Variants in STAG1 observed in about 807,000 individuals in gnomAD.
The protein encoded by STAG1 is cohesin subunit SA-1.
STAG1 carries 26 observed loss-of-function variants against 170.9 expected under a neutral mutation model. The observed-to-expected ratio is 0.15, with a 90% confidence interval of 0.11 to 0.21. The LOEUF is 0.21. Ranked by LOEUF, STAG1 falls within the 10% of genes least tolerant of loss-of-function variation. The probability of loss-of-function intolerance (pLI) is 1.00; values close to 1 mark genes in which losing one functional copy is unlikely to be tolerated. For synonymous variants in STAG1, 514 were observed against 497.7 expected (o/e 1.03, Z -0.44); for missense variants, 964 against 1,509.5 (o/e 0.64, Z 5.99).
At chr3:136,408,120 T>C (rs917765900) in intron 21 of STAG1, among the ~76,000 whole-genome samples, 6 of 152,214 alleles carry the variant, frequency 3.9e-5, no homozygotes, top group South Asian at 4.1e-4. Context: ...TAGATGAACA[T>C]GTAGAATGTT....
rs1001915390 is a variant in STAG1 at position 136,337,177 on chromosome 3, T to G, written c.*1077A>C. On this transcript the variant is annotated 3_prime_UTR_variant, in exon 34 of 34. Transcript: ENST00000383202. ...TAAGCACAGACTTCTATGCAGCACA[T>G]ACTTCTATAATCAGTAAACTTAATT... The G allele has an allele frequency of 3.9e-5, 6 of 152,664 alleles. No individual in the cohort carries two copies. The highest frequency in any genetic ancestry group is 8.8e-5 in the Non-Finnish European group (6 of 68,046). The allele number at this position is 152,664 out of a possible 1,614,324, so 9.5% of individuals were successfully genotyped here.
At chr3:136,466,637 C>T (rs2089469756) in intron 12 of STAG1, among the ~76,000 whole-genome samples, 1 of 152,096 alleles carries the variant, frequency 6.6e-6, no homozygotes, top group Non-Finnish European at 1.5e-5. Context: ...CGTTCAGATT[C>T]AGGAAATACA....
At chr3:136,687,582 T>C (rs1942574966) in intron 1 of STAG1, among the ~76,000 whole-genome samples, 1 of 152,140 alleles carries the variant, frequency 6.6e-6, no homozygotes, top group African/African-American at 2.4e-5. Flanking sequence ...AAATTTGTTA[T>C]AAAGTAAACT....
intron 4 of STAG1, among the ~76,000 whole-genome samples, chr3:136,578,976 G>A (rs1031726235): frequency 1.3e-5 from 2 of 152,170 alleles, no homozygotes; most frequent in Non-Finnish European, 2.9e-5. Context: ...TAATAAACTA[G>A]AAGTAAACAC....
At position 136,636,559 on chromosome 3, in the gene STAG1, C is replaced by T. The variant is rs149372102; in HGVS notation, c.-83-5578G>A. 5.7e-4 allele frequency among the ~76,000 whole-genome samples: 86 copies of T among 152,208 alleles called. No homozygotes were observed. The Middle Eastern group carries it at 0.014, about 24-fold the overall frequency. On this transcript the variant is annotated intron_variant, in intron 1 of 33. Transcript: ENST00000383202. ...TACATGAATATACACTAAGTCTTAA[C>T]GTCAACCATGGGTTCTTGGAAACTA...
At chr3:136,370,857 A>G (rs951408273) in intron 23 of STAG1, among the ~76,000 whole-genome samples, 11 of 152,142 alleles carry the variant, frequency 7.2e-5, no homozygotes, top group Admixed American at 2.0e-4. Flanking sequence ...ATGATTTATA[A>G]TCCTTTGGGT....
intron 14 of STAG1, among the ~76,000 whole-genome samples, chr3:136,451,329 A>G (rs1017023431): frequency 2.0e-5 from 3 of 152,242 alleles, no homozygotes; most frequent in African/African-American, 4.8e-5. Context: ...CAATTAAAAC[A>G]TGAATTTGTA....
chr3:136,728,606 A>T (rs897057930), intron 1 of STAG1, among the ~76,000 whole-genome samples: 2 of 152,192 alleles, frequency 1.3e-5, no homozygotes, highest in African/African-American at 2.4e-5. Flanking sequence ...TTGGCATCTA[A>T]CACATACTGT....
Position 136,421,723 on chromosome 3 carries a change from T to C in STAG1, c.2038-560A>G, listed in dbSNP as rs191152445. Among the ~76,000 whole-genome samples the C allele has an allele frequency of 5.1e-4, 78 of 152,324 alleles. 1 individual carries two copies. In the East Asian group the frequency reaches 0.012, roughly 23 times the overall value. On this transcript the variant is annotated intron_variant, in intron 19 of 33. Coordinates refer to ENST00000383202, the MANE Select transcript of STAG1 (RefSeq NM_005862.3). Reference sequence around the variant, plus strand: ...GTTTGCTGATATCTTGGGCATACCATTGATAAGCAGGCATCCTTAAAAGTA... The same window carrying C: ...GTTTGCTGATATCTTGGGCATACCACTGATAAGCAGGCATCCTTAAAAGTA...
chr3:136,670,682 G>A (rs1184423085), intron 1 of STAG1, among the ~76,000 whole-genome samples: 1 of 151,970 alleles, frequency 6.6e-6, no homozygotes, highest in Non-Finnish European at 1.5e-5. Flanking sequence ...TGTTGGCAGG[G>A]GCTGGTCTCT....
At chr3:136,493,580 G>A (rs1460997041) in intron 9 of STAG1, among the ~76,000 whole-genome samples, 19 of 149,004 alleles carry the variant, frequency 1.3e-4, no homozygotes, top group African/African-American at 4.2e-4. Flanking sequence ...GCTTGAGCCC[G>A]TGAAGTCAAG....
chr3:136,545,503 G>T (rs1185343453), intron 5 of STAG1, among the ~76,000 whole-genome samples: 1 of 152,194 alleles, frequency 6.6e-6, no homozygotes, highest in South Asian at 2.1e-4. Flanking sequence ...TACTAAAACT[G>T]AGAAGGATTC....
chr3:136,650,047 G>A (rs1211242144), intron 1 of STAG1, among the ~76,000 whole-genome samples: 4 of 152,012 alleles, frequency 2.6e-5, no homozygotes, highest in African/African-American at 7.2e-5. Flanking sequence ...GATTACAGGC[G>A]TGAGCCATCA....
At chr3:136,392,246 A>G (rs1016138689) in intron 22 of STAG1, among the ~76,000 whole-genome samples, 2 of 152,200 alleles carry the variant, frequency 1.3e-5, no homozygotes, top group African/African-American at 4.8e-5. Context: ...CCATCATCAC[A>G]GCATTAATTT....
At chr3:136,412,940 G>A (rs1444869713) in intron 21 of STAG1, among the ~76,000 whole-genome samples, 2 of 149,454 alleles carry the variant, frequency 1.3e-5, no homozygotes, top group Admixed American at 1.3e-4. Context: ...TCAGCTCACT[G>A]CAACCTCCTG....
At chr3:136,433,141 A>G (rs2088358975) in intron 16 of STAG1, among the ~76,000 whole-genome samples, 1 of 152,130 alleles carries the variant, frequency 6.6e-6, no homozygotes, top group East Asian at 1.9e-4. Context: ...TCTTTAATAT[A>G]AATACCTGTA....
At chr3:136,743,213 A>G (rs1166810949) in intron 1 of STAG1, among the ~76,000 whole-genome samples, 1 of 151,982 alleles carries the variant, frequency 6.6e-6, no homozygotes, top group Non-Finnish European at 1.5e-5. Flanking sequence ...CTAAAAATAC[A>G]AAAAATTAGT....
intron 23 of STAG1, 122 bp downstream of exon 23, chr3:136,377,538 G>C (rs1937672991): frequency 4.3e-6 from 3 of 692,964 alleles, no homozygotes; most frequent in Admixed American, 5.1e-5. Context: ...TCTTGTTCCA[G>C]GTCCAGTAAA....
intron 1 of STAG1, among the ~76,000 whole-genome samples, chr3:136,673,969 G>A (rs1265506358): frequency 1.3e-5 from 2 of 151,446 alleles, no homozygotes; most frequent in Non-Finnish European, 2.9e-5. Flanking sequence ...CAGGCGTGGT[G>A]GTGCATGCCT....
Sources: gnomAD v4.1 joint callset for allele counts (sites outside exome capture counted in the v4.1 genomes callset) on GRCh38, gnomAD v4.1.1 for gene constraint, MANE v1.5 for transcripts, NCBI Gene and HGNC (gene_info 2026-07-23, HGNC 2026-07-21) for gene names.